TBC1D22A: variants seen among roughly 807,000 people sequenced by gnomAD.
The protein encoded by TBC1D22A is putative GTPase activator.
In TBC1D22A, 38 loss-of-function variants were observed where a neutral mutation model predicts 60.2. The ratio of observed to expected loss-of-function variants is 0.63; its 90% CI spans 0.49 to 0.83. TBC1D22A has a LOEUF of 0.83. Among genes scored for constraint, TBC1D22A ranks in the 40% least tolerant of loss-of-function variants. The pLI, the probability that TBC1D22A is intolerant of heterozygous loss-of-function variation, is 0.00. For synonymous variants in TBC1D22A, 302 were observed against 281.7 expected (o/e 1.07, Z -0.72); for missense variants, 628 against 701.0 (o/e 0.90, Z 1.18).
chr22:47,092,795 A>G (rs1477101798), intron 11 of TBC1D22A, among the ~76,000 whole-genome samples: 3 of 152,232 alleles, frequency 2.0e-5, no homozygotes, highest in African/African-American at 4.8e-5. Flanking sequence ...TCTTGCTTCA[A>G]AGAAAAAATA....
At chr22:46,786,647 C>T (rs1227077286) in intron 1 of TBC1D22A, among the ~76,000 whole-genome samples, 1 of 152,144 alleles carries the variant, frequency 6.6e-6, no homozygotes, top group African/African-American at 2.4e-5. Flanking sequence ...TTGGACTTTT[C>T]TTTGTGCGTA....
chr22:46,924,155 C>T (rs1249115047), intron 8 of TBC1D22A, among the ~76,000 whole-genome samples: 1 of 152,202 alleles, frequency 6.6e-6, no homozygotes, highest in Non-Finnish European at 1.5e-5. Flanking sequence ...ATCTTTGATG[C>T]CTCCGTGCTA....
intron 4 of TBC1D22A, among the ~76,000 whole-genome samples, chr22:46,809,555 C>T (rs979600721): frequency 6.6e-6 from 1 of 152,050 alleles, no homozygotes; most frequent in Admixed American, 6.5e-5. Context: ...TAAGAATAAC[C>T]ACATCCCCTG....
chr22:46,787,708 A>G (rs1236298671), intron 1 of TBC1D22A, among the ~76,000 whole-genome samples: 1 of 152,202 alleles, frequency 6.6e-6, no homozygotes, highest in Non-Finnish European at 1.5e-5. Flanking sequence ...TAATAGTATA[A>G]ACTCTTACAT....
At chr22:47,070,048 T>C (rs2063921187) in intron 11 of TBC1D22A, among the ~76,000 whole-genome samples, 2 of 138,710 alleles carry the variant, frequency 1.4e-5, no homozygotes, top group African/African-American at 6.0e-5. Context: ...GACCTGATGG[T>C]TCCAGGCTGT....
intron 1 of TBC1D22A, among the ~76,000 whole-genome samples, chr22:46,791,335 G>A (rs2084397506): frequency 6.6e-6 from 1 of 152,170 alleles, no homozygotes; most frequent in Non-Finnish European, 1.5e-5. Context: ...TCCTGTGTCT[G>A]GTAGTCTGTG....
At chr22:47,114,903 A>G (rs965935904) in intron 12 of TBC1D22A, among the ~76,000 whole-genome samples, 8 of 152,108 alleles carry the variant, frequency 5.3e-5, no homozygotes, top group Non-Finnish European at 1.2e-4. Flanking sequence ...CAGGCGGGGA[A>G]GGTGAGGGCG....
chr22:46,876,526 C>T (rs1354192877), intron 4 of TBC1D22A, among the ~76,000 whole-genome samples: 1 of 152,168 alleles, frequency 6.6e-6, no homozygotes, highest in Non-Finnish European at 1.5e-5. Flanking sequence ...TCTCTGTTGG[C>T]GTCATTCCTC....
intron 10 of TBC1D22A, among the ~76,000 whole-genome samples, chr22:47,006,355 G>T (rs939141243): frequency 1.3e-5 from 2 of 152,222 alleles, no homozygotes; most frequent in Admixed American, 1.3e-4. Flanking sequence ...ATTAGTTTTG[G>T]TCAATTTCTG....
intron 11 of TBC1D22A, among the ~76,000 whole-genome samples, chr22:47,046,402 C>T (rs1214652263): frequency 1.3e-5 from 2 of 152,132 alleles, no homozygotes; most frequent in East Asian, 3.9e-4. Context: ...ATGCTTTGGG[C>T]CCCAGAGTCC....
At chr22:46,883,572 T>C (rs2067958014) in intron 5 of TBC1D22A, among the ~76,000 whole-genome samples, 1 of 152,210 alleles carries the variant, frequency 6.6e-6, no homozygotes, top group Admixed American at 6.5e-5. Context: ...CAAGTTAATT[T>C]ACATTTTGGG....
At chr22:47,014,116 G>A (rs1404860211) in intron 10 of TBC1D22A, among the ~76,000 whole-genome samples, 1 of 152,206 alleles carries the variant, frequency 6.6e-6, no homozygotes, top group African/African-American at 2.4e-5. Flanking sequence ...GCCCCTCTTT[G>A]GGGATGCACA....
At chr22:47,099,747 G>A (rs537959488) in intron 11 of TBC1D22A, among the ~76,000 whole-genome samples, 6 of 152,204 alleles carry the variant, frequency 3.9e-5, no homozygotes, top group East Asian at 1.9e-4. Context: ...ACCTGGCCTC[G>A]TCCCTGCTTT....
chr22:46,983,309 GAGCCTCCCATTTAAGCGTC>G (rs2074588657), intron 9 of TBC1D22A, among the ~76,000 whole-genome samples: 1 of 152,236 alleles, frequency 6.6e-6, no homozygotes, highest in African/African-American at 2.4e-5. Context: ...TGATGACCTT[GAGCCTCCCATTTAAGCGTC>G]ATGGGGACTA....
rs762388108 is a variant in TBC1D22A at position 46,974,406 on chromosome 22, G to A, written c.1125+7G>A. 41 of 1,604,070 alleles carry A rather than the reference G, an allele frequency of 2.6e-5. No homozygotes were observed. Among genetic ancestry groups the A allele is most frequent in the Admixed American group, 6.8e-5 (4 of 59,000 alleles). On this transcript the variant is annotated splice_region_variant and intron_variant, in intron 9 of 12. Transcript: ENST00000337137. The stretch of plus-strand genomic sequence containing the variant: ...GCTGCTGGATGGCATTCAGGTGAGC[G>A]CCCGCGCCCACGGGACACAGCCCAC...
intron 10 of TBC1D22A, among the ~76,000 whole-genome samples, chr22:47,036,702 C>T (rs1033076449): frequency 3.3e-5 from 5 of 152,224 alleles, no homozygotes; most frequent in Admixed American, 2.0e-4. Context: ...CCTCCTGGGA[C>T]ACCAGCCTGG....
intron 12 of TBC1D22A, among the ~76,000 whole-genome samples, chr22:47,125,408 C>T (rs2066418917): frequency 6.6e-6 from 1 of 152,208 alleles, no homozygotes; most frequent in African/African-American, 2.4e-5. Context: ...GTTCCTAGTC[C>T]TCACACGGTG....
intron 4 of TBC1D22A, among the ~76,000 whole-genome samples, chr22:46,836,522 CA>C (rs532608262): frequency 4.9e-4 from 70 of 141,964 alleles, no homozygotes; most frequent in African/African-American, 1.3e-3. Context: ...CATGCTATTA[CA>C]AAAAAAAAAT....
In TBC1D22A at chr22:46,797,488, C is replaced by T. The variant is rs1424020889; in HGVS notation, c.505C>T (p.Pro169Ser). Residue 169 changes from proline (P) to serine (S), a missense_variant, in exon 4 of 13, where the codon CCA becomes TCA. Physicochemically the swap from Pro to Ser is moderately conservative, Grantham distance 74. Transcript: ENST00000337137. ...AAPLQRSQSL[P>S]HSATVTLGGT... ...CCCTCTGCAGAGGTCCCAGTCTCTC[C>T]CACACTCGGCCACCGTCACGCTGGG... The T allele has an allele frequency of 1.2e-6, 2 of 1,613,702 alleles. No homozygotes were observed. Among genetic ancestry groups the T allele is most frequent in the Admixed American group, 1.7e-5 (1 of 60,012 alleles).
Sources: allele counts gnomAD v4.1 joint callset (sites outside exome capture counted in the v4.1 genomes callset), GRCh38; gene constraint gnomAD v4.1.1; transcripts MANE v1.5; gene names NCBI Gene and HGNC (gene_info 2026-07-23, HGNC 2026-07-21).